DNAH14: variants seen among roughly 807,000 people sequenced by gnomAD.
The protein encoded by DNAH14 is dynein axonemal heavy chain 14, also known as axonemal beta dynein heavy chain 14.
In DNAH14, 478 loss-of-function variants were observed where a neutral mutation model predicts 520.9. The observed-to-expected ratio is 0.92, with a 90% CI of 0.85 to 0.99. The LOEUF (loss-of-function observed/expected upper bound fraction) is 0.99. DNAH14 is among the 50% of genes least tolerant of loss of function. The probability of loss-of-function intolerance (pLI) is 0.00; values close to 1 mark genes in which losing one functional copy is unlikely to be tolerated. For synonymous variants in DNAH14, 1,581 were observed against 1,757.2 expected (o/e 0.90, Z 2.51); for missense variants, 4,831 against 5,234.5 (o/e 0.92, Z 2.38).
chr1:225,133,501 G>T (rs1255347587), intron 27 of DNAH14, among the ~76,000 whole-genome samples: 2 of 152,172 alleles, frequency 1.3e-5, no homozygotes, highest in Non-Finnish European at 2.9e-5. Flanking sequence ...CCCGTTGCTT[G>T]TTTTGATCAT....
intron 66 of DNAH14, among the ~76,000 whole-genome samples, chr1:225,335,308 C>CACATATACACGTGTACAT (rs1558426451): frequency 1.9e-4 from 16 of 83,790 alleles, no homozygotes; most frequent in South Asian, 4.2e-4. Context: ...CATGTGTACA[C>CACATATACACGTGTACAT]GTGTGTATAT....
chr1:225,288,127 C>G (rs1200084397), intron 54 of DNAH14, among the ~76,000 whole-genome samples: 4 of 151,962 alleles, frequency 2.6e-5, no homozygotes, highest in Admixed American at 2.0e-4. Context: ...CCAAAGAGTA[C>G]CATACAGGAA....
Position 225,247,544 on chromosome 1 carries a change from ATCTC to A in DNAH14, c.6749-4754_6749-4751del, listed in dbSNP as rs1307754279. Among the ~76,000 whole-genome samples the A allele has an allele frequency of 1.1e-4, 16 of 152,294 alleles. No homozygotes were observed. The East Asian group carries it at 3.1e-3, about 29-fold the overall frequency. ...GGATCTGCCAAGAGATTTCAGAAGAATCTCTCATTCTGGAGGGGAATGTCAGAGA... is the reference window on the plus strand; with the variant it reads ...GGATCTGCCAAGAGATTTCAGAAGAATCATTCTGGAGGGGAATGTCAGAGA... On this transcript the variant is annotated intron_variant, in intron 43 of 85. Transcript: ENST00000682510.
At chr1:225,077,086 A>C (rs2072385579) in intron 17 of DNAH14, among the ~76,000 whole-genome samples, 1 of 152,218 alleles carries the variant, frequency 6.6e-6, no homozygotes. Flanking sequence ...TTGAACAATA[A>C]GAAAATACTT....
intron 55 of DNAH14, among the ~76,000 whole-genome samples, chr1:225,295,885 C>T (rs999305511): frequency 6.6e-6 from 1 of 152,050 alleles, no homozygotes; most frequent in South Asian, 2.1e-4. Context: ...CCCTCTCTTC[C>T]TTTAGATATA....
intron 43 of DNAH14, among the ~76,000 whole-genome samples, chr1:225,244,891 C>G (rs2092188488): frequency 6.6e-6 from 1 of 152,034 alleles, no homozygotes; most frequent in East Asian, 1.9e-4. Context: ...CTTCTGCTAG[C>G]TTTTGAATTT....
chr1:224,943,192 G>C (rs1053811693), intron 1 of DNAH14, among the ~76,000 whole-genome samples: 1 of 152,184 alleles, frequency 6.6e-6, no homozygotes, highest in Admixed American at 6.5e-5. Context: ...TGTGTTATTG[G>C]CCTATTCAGA....
At chr1:224,951,776 G>A (rs1165566077) in intron 1 of DNAH14, among the ~76,000 whole-genome samples, 1 of 147,548 alleles carries the variant, frequency 6.8e-6, no homozygotes, top group African/African-American at 2.5e-5. Flanking sequence ...TCCGCCTCCC[G>A]AGTAGCTGGG....
At chr1:225,290,647 GTATATATATATATATATATATATA>G (rs56045354) in intron 55 of DNAH14, among the ~76,000 whole-genome samples, 2 of 57,578 alleles carry the variant, frequency 3.5e-5, no homozygotes, top group Non-Finnish European at 6.3e-5. Flanking sequence ...GTGTGTGTGT[GTATATATATATATATATATATATA>G]TATATATATA....
chr1:225,083,618 A>G (rs901639790), intron 20 of DNAH14, among the ~76,000 whole-genome samples: 1 of 152,102 alleles, frequency 6.6e-6, no homozygotes, highest in Non-Finnish European at 1.5e-5. Context: ...TTCTTATCTC[A>G]GTTGATGGTA....
chr1:225,264,176 C>G (rs2093034640), intron 46 of DNAH14, 21 bp from the exon 47 acceptor site: 3 of 1,539,016 alleles, frequency 1.9e-6, no homozygotes. Context: ...AATTTTGAAT[C>G]CTTAAAATAT....
At chr1:225,047,014 T>C (rs996392971) in intron 15 of DNAH14, among the ~76,000 whole-genome samples, 1 of 152,142 alleles carries the variant, frequency 6.6e-6, no homozygotes, top group Admixed American at 6.6e-5. Context: ...CAAGGAACCC[T>C]GGATTAGAGA....
intron 15 of DNAH14, among the ~76,000 whole-genome samples, chr1:225,048,024 G>C (rs899400633): frequency 1.8e-4 from 27 of 152,262 alleles, no homozygotes; most frequent in African/African-American, 6.3e-4. Flanking sequence ...ATACAAAACA[G>C]TTCCATCATC....
At chr1:224,938,126 G>A (rs539922824) in intron 1 of DNAH14, among the ~76,000 whole-genome samples, 22 of 151,974 alleles carry the variant, frequency 1.4e-4, no homozygotes, top group African/African-American at 5.3e-4. Flanking sequence ...AAATGATCCA[G>A]GTATTTGGCA....
chr1:225,318,063 C>G (rs1460424300), intron 60 of DNAH14, among the ~76,000 whole-genome samples: 2 of 152,192 alleles, frequency 1.3e-5, no homozygotes, highest in East Asian at 3.9e-4. Flanking sequence ...ACTGCAACAC[C>G]TGATGTGATA....
intron 46 of DNAH14, among the ~76,000 whole-genome samples, chr1:225,259,686 G>T (rs1408436345): frequency 6.6e-6 from 1 of 152,136 alleles, no homozygotes; most frequent in Non-Finnish European, 1.5e-5. Context: ...CTGAAACTTT[G>T]TACCCTTTGA....
At chr1:225,365,030 T>G in intron 76 of DNAH14, 136 bp downstream of exon 76, 1 of 628,572 alleles carries the variant, frequency 1.6e-6, no homozygotes, top group Non-Finnish European at 2.6e-6. Context: ...TTCTGCTTTG[T>G]GCTCAACCCT....
chr1:225,353,898 C>T lies in DNAH14; in HGVS notation c.11619+10C>T, dbSNP rs529824270. On this transcript the variant is annotated intron_variant, in intron 73 of 85. Transcript: ENST00000682510. Reference sequence around the variant, plus strand: ...TCAAAGACTTATTTTGGTAAGATATCTTATGAGGAAATATTAATATTCTAA... The same window carrying T: ...TCAAAGACTTATTTTGGTAAGATATTTTATGAGGAAATATTAATATTCTAA... 61 of 1,353,356 alleles carry T rather than the reference C, an allele frequency of 4.5e-5. No individual in the cohort carries two copies. The highest frequency in any genetic ancestry group is 5.9e-5 in the Non-Finnish European group (58 of 979,112). The allele number at this position is 1,353,356 out of a possible 1,614,324, so 83.8% of individuals were successfully genotyped here.
intron 33 of DNAH14, 85 bp from the exon 34 acceptor site, chr1:225,153,665 G>A: frequency 1.1e-6 from 1 of 929,308 alleles, no homozygotes; most frequent in Non-Finnish European, 1.6e-6. Flanking sequence ...TAGATTACCT[G>A]TAATTTACCT....
Sources: allele counts gnomAD v4.1 joint callset (sites outside exome capture counted in the v4.1 genomes callset), GRCh38; gene constraint gnomAD v4.1.1; transcripts MANE v1.5; gene names NCBI Gene and HGNC (gene_info 2026-07-23, HGNC 2026-07-21).